Variants in EIF4EBP2 observed in about 807,000 individuals in gnomAD.
The protein encoded by EIF4EBP2 is eukaryotic translation initiation factor 4E binding protein 2.
Under a neutral mutation model 10.3 loss-of-function variants are expected in EIF4EBP2, and 5 were observed. The observed-to-expected ratio is 0.48, with a 90% CI of 0.25 to 1.02. The LOEUF (loss-of-function observed/expected upper bound fraction) is 1.02, where lower values mean the gene tolerates loss of function less well. Ranked by LOEUF, EIF4EBP2 falls within the 50% of genes least tolerant of loss-of-function variation. EIF4EBP2 has a pLI of 0.15. For synonymous variants in EIF4EBP2, 67 were observed against 61.1 expected (o/e 1.10, Z -0.45); for missense variants, 188 against 162.2 (o/e 1.16, Z -0.86).
Position 70,405,436 on chromosome 10 carries a change from A to G in EIF4EBP2, c.145+890A>G, listed in dbSNP as rs150377707. On this transcript the variant is annotated intron_variant, in intron 1 of 2. Transcript: ENST00000373218. ...GTAGAGGTGAAGCTTGGTCACGGGA[A>G]GAGAGCTCAAAGGTTGTCTGTGCCC... Among the ~76,000 whole-genome samples, 163 of 152,308 alleles carry G rather than the reference A, an allele frequency of 1.1e-3. 1 individual carries two copies. Among genetic ancestry groups the G allele is most frequent in the African/African-American group, 3.6e-3 (151 of 41,564 alleles).
Position 70,404,343 on chromosome 10 carries a change from C to T in EIF4EBP2, c.-59C>T, listed in dbSNP as rs1448444589. ...CGTCCGCCTGAGGAGCCGAAGCAGC[C>T]CCGGCCCCGCCGCCGCCGCCTGCCC... On this transcript the variant is annotated 5_prime_UTR_variant, in exon 1 of 3. Coordinates refer to ENST00000373218, the MANE Select transcript of EIF4EBP2 (RefSeq NM_004096.5). 13 of 1,481,306 alleles carry T rather than the reference C, an allele frequency of 8.8e-6. No homozygotes were observed. Among genetic ancestry groups the T allele is most frequent in the East Asian group, 2.9e-5 (1 of 34,366 alleles). 91.8% of individuals were successfully genotyped at this position (1,481,306 alleles called of 1,614,324 possible).
Position 70,425,793 on chromosome 10 carries a change from A to T in EIF4EBP2, c.*4046A>T, listed in dbSNP as rs1168112827. ...GTCTTATTTGGAATGGGGATTGTCC[A>T]GCAAAGGGAGCAAACATGAATTAGA... On this transcript the variant is annotated 3_prime_UTR_variant, in exon 3 of 3. Transcript: ENST00000373218. 1 of 152,260 alleles carries T rather than the reference A, an allele frequency of 6.6e-6. No individual in the cohort carries two copies. Among genetic ancestry groups the T allele is most frequent in the Non-Finnish European group, 1.5e-5 (1 of 68,050 alleles). 9.4% of individuals were successfully genotyped at this position (152,260 alleles called of 1,614,324 possible). A position where few individuals can be genotyped will look rare whatever the true frequency, so the allele number is the denominator to read the frequency against.
intron 1 of EIF4EBP2, among the ~76,000 whole-genome samples, chr10:70,407,116 C>CTTTTTT (rs35260368): frequency 1.5e-5 from 2 of 136,790 alleles, no homozygotes; most frequent in Non-Finnish European, 3.2e-5. Context: ...CCAGGATGGT[C>CTTTTTT]TTTTTTTTTT....
intron 1 of EIF4EBP2, among the ~76,000 whole-genome samples, chr10:70,413,406 G>T (rs544596657): frequency 6.6e-6 from 1 of 151,980 alleles, no homozygotes; most frequent in African/African-American, 2.4e-5. Context: ...CAGGAGAATC[G>T]CTTGAGCCCA....
At chr10:70,421,681 C>A in intron 2 of EIF4EBP2, 35 bp from the exon 3 acceptor site, 2 of 1,593,878 alleles carry the variant, frequency 1.3e-6, no homozygotes, top group Non-Finnish European at 1.7e-6. Flanking sequence ...TCTTTGTGTA[C>A]GTGCTAAACT....
chr10:70,411,615 C>T (rs746190522), intron 1 of EIF4EBP2, among the ~76,000 whole-genome samples: 7 of 152,044 alleles, frequency 4.6e-5, no homozygotes, highest in African/African-American at 9.7e-5. Context: ...CCACCAAGCA[C>T]GGCTAATTTT....
intron 1 of EIF4EBP2, among the ~76,000 whole-genome samples, chr10:70,410,314 CCCA>C (rs1350409313): frequency 1.3e-5 from 2 of 152,194 alleles, no homozygotes; most frequent in African/African-American, 4.8e-5. Flanking sequence ...AAGTGATCCG[CCCA>C]CCTCGGCCTC....
chr10:70,407,004 TCTC>T (rs1217977279), intron 1 of EIF4EBP2, among the ~76,000 whole-genome samples: 2 of 152,170 alleles, frequency 1.3e-5, no homozygotes, highest in South Asian at 2.1e-4. Flanking sequence ...TTCACGCCAT[TCTC>T]CTGCCTCAGC....
chr10:70,411,151 C>T (rs1554848306), intron 1 of EIF4EBP2, among the ~76,000 whole-genome samples: 1 of 152,178 alleles, frequency 6.6e-6, no homozygotes, highest in Non-Finnish European at 1.5e-5. Flanking sequence ...TTGCAACCAT[C>T]ACCACCATCC....
At chr10:70,404,623 C>A in intron 1 of EIF4EBP2, 77 bp downstream of exon 1, 1 of 1,406,798 alleles carries the variant, frequency 7.1e-7, no homozygotes. Context: ...CGGTGCCCGG[C>A]CGCTTCGCCC....
At chr10:70,405,642 T>G (rs1479358969) in intron 1 of EIF4EBP2, among the ~76,000 whole-genome samples, 2 of 152,196 alleles carry the variant, frequency 1.3e-5, no homozygotes, top group African/African-American at 4.8e-5. Flanking sequence ...GCCTTGTTCC[T>G]GTGGGCAGGG....
intron 1 of EIF4EBP2, among the ~76,000 whole-genome samples, chr10:70,408,403 T>G (rs556474387): frequency 6.6e-6 from 1 of 152,362 alleles, no homozygotes; most frequent in African/African-American, 2.4e-5. Context: ...CGTCAGCCAC[T>G]GCGCCTGGCT....
intron 1 of EIF4EBP2, among the ~76,000 whole-genome samples, chr10:70,415,764 T>C (rs1370506132): frequency 6.6e-6 from 1 of 152,020 alleles, no homozygotes; most frequent in Non-Finnish European, 1.5e-5. Context: ...GACCTAAATG[T>C]CAGAGCAAAA....
At chr10:70,419,572 A>T (rs1371692285) in intron 1 of EIF4EBP2, among the ~76,000 whole-genome samples, 3 of 151,886 alleles carry the variant, frequency 2.0e-5, no homozygotes, top group Non-Finnish European at 4.4e-5. Context: ...CTATAAAGAG[A>T]GACAGATGGA....
At chr10:70,414,765 G>T (rs1174976449) in intron 1 of EIF4EBP2, among the ~76,000 whole-genome samples, 1 of 152,154 alleles carries the variant, frequency 6.6e-6, no homozygotes, top group Non-Finnish European at 1.5e-5. Context: ...CTATTTGGGA[G>T]GCTGAGGCAG....
chr10:70,404,431 G>A lies in EIF4EBP2; in HGVS notation c.30G>A (p.Gln10=), dbSNP rs1215014058. 5.7e-6 allele frequency: 9 copies of A among 1,591,968 alleles called. No individual in the cohort carries two copies. In the East Asian group the frequency reaches 1.2e-4, roughly 21 times the overall value. MSSSAGSGH[Q]PSQSRAIPTR... ...CCTCGTCAGCCGGCAGCGGCCACCA[G>A]CCCAGCCAGAGCCGCGCCATCCCCA... The change falls in exon 1 of 3, where the codon CAG becomes CAA. Residue 10 remains glutamine (Q), a synonymous_variant. Transcript: ENST00000373218.
chr10:70,417,173 ATGAGG>A (rs1845106558), intron 1 of EIF4EBP2, among the ~76,000 whole-genome samples: 1 of 152,266 alleles, frequency 6.6e-6, no homozygotes, highest in Admixed American at 6.5e-5. Flanking sequence ...TGAAAAAGAA[ATGAGG>A]TACTGATAAA....
At chr10:70,409,334 G>A (rs1444296509) in intron 1 of EIF4EBP2, among the ~76,000 whole-genome samples, 1 of 152,120 alleles carries the variant, frequency 6.6e-6, no homozygotes, top group Non-Finnish European at 1.5e-5. Flanking sequence ...CTGTGGAGGA[G>A]TGGGGATGAT....
chr10:70,416,319 G>A (rs1047342482), intron 1 of EIF4EBP2, among the ~76,000 whole-genome samples: 7 of 152,096 alleles, frequency 4.6e-5, no homozygotes, highest in Admixed American at 2.6e-4. Flanking sequence ...GGTGGCTCAC[G>A]CCTGTAATCC....
Sources: allele counts gnomAD v4.1 joint callset (sites outside exome capture counted in the v4.1 genomes callset), GRCh38; gene constraint gnomAD v4.1.1; transcripts MANE v1.5; gene names NCBI Gene and HGNC (gene_info 2026-07-23, HGNC 2026-07-21).